The following LRRIQ3 variants were observed in gnomAD, a reference collection of about 807,000 sequenced individuals.
The protein encoded by LRRIQ3 is leucine-rich repeat and IQ domain-containing protein 3.
Under a neutral mutation model 59.3 loss-of-function variants are expected in LRRIQ3, and 75 were observed. The observed-to-expected ratio is 1.26, with a 90% CI of 1.05 to 1.53. LRRIQ3 has a LOEUF of 1.53. Among genes scored for constraint, LRRIQ3 ranks in the 40% most tolerant of loss-of-function variants. LRRIQ3 has a pLI of 0.00. For synonymous variants in LRRIQ3, 250 were observed against 231.3 expected (o/e 1.08, Z -0.73); for missense variants, 831 against 710.0 (o/e 1.17, Z -1.94).
intron 6 of LRRIQ3, among the ~76,000 whole-genome samples, chr1:74,067,749 C>T (rs147825344): frequency 1.4e-4 from 22 of 152,120 alleles, no homozygotes; most frequent in African/African-American, 4.1e-4. Context: ...GAAGCCCATA[C>T]GCTTAATCTA....
chr1:74,180,726 G>A (rs746917720), intron 3 of LRRIQ3: 4 of 1,550,032 alleles, frequency 2.6e-6, no homozygotes, highest in African/African-American at 2.7e-5. Flanking sequence ...CTCATTTGCT[G>A]TCCAATATTG....
intron 6 of LRRIQ3, among the ~76,000 whole-genome samples, chr1:74,042,719 C>T (rs764889711): frequency 1.3e-5 from 2 of 152,050 alleles, no homozygotes; most frequent in South Asian, 2.1e-4. Flanking sequence ...AGCCATCAAT[C>T]GTTTTTCCCT....
intron 4 of LRRIQ3, among the ~76,000 whole-genome samples, chr1:74,123,433 G>A (rs1332541185): frequency 6.6e-6 from 1 of 151,078 alleles, no homozygotes; most frequent in Non-Finnish European, 1.5e-5. Flanking sequence ...CCCATTAACT[G>A]TCCCCATTCC....
At chr1:74,187,585 G>A (rs1474833933) in intron 1 of LRRIQ3, among the ~76,000 whole-genome samples, 1 of 152,078 alleles carries the variant, frequency 6.6e-6, no homozygotes, top group Non-Finnish European at 1.5e-5. Flanking sequence ...GGACTCAAGG[G>A]TGAAGGTTGG....
rs1651352150 is a variant in LRRIQ3, at chr1:74,198,090, G to A, written c.-95C>T. ...TCGCTGGGCGGCCATCTGCTCCTGA[G>A]ACCGTTGCTAGAGAAACAAGACAAC... On this transcript the variant is annotated 5_prime_UTR_variant, in exon 1 of 8. Transcript: ENST00000354431. 9 of 1,274,530 alleles carry A rather than the reference G, an allele frequency of 7.1e-6. No homozygotes were observed. Among genetic ancestry groups the A allele is most frequent in the Non-Finnish European group, 9.4e-6 (9 of 956,918 alleles). The allele number at this position is 1,274,530 out of a possible 1,614,324, so 79.0% of individuals were successfully genotyped here. A position where few individuals can be genotyped will look rare whatever the true frequency, so the allele number is the denominator to read the frequency against.
chr1:74,146,063 T>C (rs924212651), intron 4 of LRRIQ3, among the ~76,000 whole-genome samples: 8 of 152,234 alleles, frequency 5.3e-5, no homozygotes, highest in African/African-American at 1.9e-4. Context: ...AGTATAGTAA[T>C]ATGCTGTACA....
intron 7 of LRRIQ3, among the ~76,000 whole-genome samples, chr1:74,035,466 A>G (rs550173705): frequency 6.6e-6 from 1 of 152,238 alleles, no homozygotes; most frequent in South Asian, 2.1e-4. Flanking sequence ...TAAATTGACT[A>G]GCTGTAAGTT....
intron 4 of LRRIQ3, chr1:74,138,518 TATGAGAAACAAAAGG>T (rs1647167600): frequency 2.0e-6 from 2 of 984,080 alleles, no homozygotes; most frequent in African/African-American, 3.5e-5. Context: ...GTTGTCTCAA[TATGAGAAACAAAAGG>T]AGAAAAACTG....
intron 4 of LRRIQ3, among the ~76,000 whole-genome samples, chr1:74,110,542 C>T (rs544572111): frequency 6.6e-5 from 10 of 151,970 alleles, no homozygotes; most frequent in Middle Eastern, 3.4e-3. Context: ...ATCAATATCA[C>T]GGAGGTGATT....
chr1:74,122,988 A>AT lies in LRRIQ3; in HGVS notation c.708-13436dup, dbSNP rs1053448464. On this transcript the variant is annotated intron_variant, in intron 4 of 7. Coordinates refer to ENST00000354431, the MANE Select transcript of LRRIQ3 (RefSeq NM_001105659.2). ...GAACTTCTCGTTACTTTTCTAAAAT[A>AT]TTTTTTTCTGGCCTGGGCCTATTTC... 3.9e-5 allele frequency among the ~76,000 whole-genome samples: 6 copies of AT among 152,116 alleles called. No individual in the cohort carries two copies. In the South Asian group the frequency reaches 1.0e-3, roughly 26 times the overall value.
rs758483567 is a variant in LRRIQ3, at chr1:74,156,413, T to C, written c.574-547A>G. ...TAGCAATGAAACTGAGTAATAAAAA[T>C]AATAAATACATTTTTATTATTAGAG... On this transcript the variant is annotated intron_variant, in intron 3 of 7. Coordinates refer to ENST00000354431, the MANE Select transcript of LRRIQ3 (RefSeq NM_001105659.2). Among the ~76,000 whole-genome samples the C allele has an allele frequency of 7.9e-4, 120 of 152,220 alleles. 1 individual carries two copies. Among genetic ancestry groups the C allele is most frequent in the Non-Finnish European group, 1.4e-3 (92 of 68,000 alleles).
intron 4 of LRRIQ3, among the ~76,000 whole-genome samples, chr1:74,132,425 G>T (rs150668545): frequency 0.014 from 2,086 of 152,198 alleles, 40 homozygotes; most frequent in African/African-American, 0.048. Flanking sequence ...TAAGCCAAAA[G>T]AACAAAGCTG....
intron 4 of LRRIQ3, among the ~76,000 whole-genome samples, chr1:74,134,607 T>C (rs1356937775): frequency 6.6e-6 from 1 of 151,610 alleles, no homozygotes; most frequent in Non-Finnish European, 1.5e-5. Flanking sequence ...AGAGCAACAG[T>C]AGGGCAAAGG....
chr1:74,080,480 A>G (rs1257605500), intron 5 of LRRIQ3, among the ~76,000 whole-genome samples: 1 of 151,714 alleles, frequency 6.6e-6, no homozygotes, highest in Non-Finnish European at 1.5e-5. Flanking sequence ...GAGCGGTAGC[A>G]GTGGTAACCA....
chr1:74,156,542 A>T (rs1164597831), intron 3 of LRRIQ3, among the ~76,000 whole-genome samples: 1 of 152,180 alleles, frequency 6.6e-6, no homozygotes, highest in African/African-American at 2.4e-5. Flanking sequence ...TCCCAATCTG[A>T]TAATATATGT....
chr1:74,148,166 A>G (rs1283180050), intron 4 of LRRIQ3, among the ~76,000 whole-genome samples: 1 of 152,126 alleles, frequency 6.6e-6, no homozygotes, highest in African/African-American at 2.4e-5. Context: ...ACATCTGTAC[A>G]TCTGGTGTTA....
intron 7 of LRRIQ3, among the ~76,000 whole-genome samples, chr1:74,037,939 A>T (rs565828644): frequency 6.6e-6 from 1 of 152,316 alleles, no homozygotes; most frequent in African/African-American, 2.4e-5. Flanking sequence ...AATCTGCTTA[A>T]GACTCCCAGG....
At chr1:74,106,024 G>T (rs987948780) in intron 5 of LRRIQ3, among the ~76,000 whole-genome samples, 3 of 151,898 alleles carry the variant, frequency 2.0e-5, no homozygotes, top group Non-Finnish European at 4.4e-5. Context: ...GGTTGTATAT[G>T]GTTACCCTAT....
chr1:74,044,314 G>A (rs1654135522), intron 6 of LRRIQ3, among the ~76,000 whole-genome samples: 2 of 152,012 alleles, frequency 1.3e-5, no homozygotes, highest in African/African-American at 2.4e-5. Flanking sequence ...AGGTGTTTGG[G>A]ACATGGGGTA....
Sources: allele counts gnomAD v4.1 joint callset (sites outside exome capture counted in the v4.1 genomes callset), GRCh38; gene constraint gnomAD v4.1.1; transcripts MANE v1.5; gene names NCBI Gene and HGNC (gene_info 2026-07-23, HGNC 2026-07-21).